Variants in AXDND1 observed in about 807,000 individuals in gnomAD.
AXDND1 encodes the protein axonemal dynein light chain domain-containing protein 1.
AXDND1 carries 110 observed loss-of-function variants against 137.5 expected under a neutral mutation model. That is an observed-to-expected ratio of 0.80 (90% confidence interval 0.69 to 0.94). AXDND1 has a LOEUF of 0.94. Ranked by LOEUF, AXDND1 falls within the 40% of genes least tolerant of loss-of-function variation. The pLI is 0.00. For synonymous variants in AXDND1, 414 were observed against 399.7 expected, an observed-to-expected ratio of 1.04 and a Z score of -0.43; for missense variants, 1,191 against 1,169.8, an observed-to-expected ratio of 1.02 and a Z score of -0.26.
At chr1:179,491,137 A>G (rs1314257060) in intron 18 of AXDND1, among the ~76,000 whole-genome samples, 1 of 152,192 alleles carries the variant, frequency 6.6e-6, no homozygotes, top group Non-Finnish European at 1.5e-5. Flanking sequence ...CGGCCTGGGC[A>G]ACATGGTGAA....
At chr1:179,475,246 T>C (rs1301293076) in intron 17 of AXDND1, among the ~76,000 whole-genome samples, 1 of 152,234 alleles carries the variant, frequency 6.6e-6, no homozygotes, top group African/African-American at 2.4e-5. Flanking sequence ...CACTGCCTAG[T>C]GGAGCTGTGA....
intron 16 of AXDND1, among the ~76,000 whole-genome samples, chr1:179,461,392 C>A (rs531231866): frequency 1.3e-5 from 2 of 151,904 alleles, no homozygotes; most frequent in East Asian, 3.9e-4. Context: ...AGGGCTCTGT[C>A]CTGTTCCATT....
rs569825439 is a variant in AXDND1, at chr1:179,411,171, T to C, written c.1135T>C (p.Tyr379His). The C allele has an allele frequency of 2.8e-5, 45 of 1,606,594 alleles. No homozygotes were observed. In the South Asian group the frequency reaches 3.6e-4, roughly 13 times the overall value. Residue 379 changes from tyrosine to histidine, a missense_variant, in exon 12 of 26, where the codon TAT becomes CAT. Transcript: ENST00000367618. The part of the protein sequence containing the change: ...AKIVEEYHDL[Y>H]TLQRERMEND... ...AATAGTAGAAGAATATCATGACTTA[T>C]ATACATTACAAAGAGAAAGGATGGA... is the stretch of plus-strand genomic sequence containing the variant.
At chr1:179,457,990 CT>C (rs34295838) in intron 16 of AXDND1, among the ~76,000 whole-genome samples, 10,081 of 145,536 alleles carry the variant, frequency 0.069, 402 homozygotes, top group African/African-American at 0.09. Flanking sequence ...CTTTCCTTCT[CT>C]TTTTTTTTTT....
rs184297799 is a variant in AXDND1, at chr1:179,469,522, T to C, written c.1997+881T>C. Among the ~76,000 whole-genome samples, 189 of 152,290 alleles carry C rather than the reference T, an allele frequency of 1.2e-3. 1 individual carries two copies. The highest frequency in any genetic ancestry group is 4.2e-3 in the African/African-American group (174 of 41,544). Reference sequence around the variant, plus strand: ...ACATTTGTTTTCATTTCTCTTTGGGTATATATCACCTAAGGAGTGGAATTG... The same window carrying C: ...ACATTTGTTTTCATTTCTCTTTGGGCATATATCACCTAAGGAGTGGAATTG... On this transcript the variant is annotated intron_variant, in intron 17 of 25. Coordinates refer to ENST00000367618, the MANE Select transcript of AXDND1 (RefSeq NM_144696.6).
In AXDND1 at chr1:179,385,225, T is replaced by G. The variant is rs1649010791; in HGVS notation, c.742-13T>G. On this transcript the variant is annotated splice_polypyrimidine_tract_variant and intron_variant, in intron 8 of 25. Coordinates refer to ENST00000367618, the MANE Select transcript of AXDND1 (RefSeq NM_144696.6). ...TGTAATAAGTACTGATTATGTTACTTACCTTCTGACAGATGCACAAACTAC... is the reference window on the plus strand; with the variant it reads ...TGTAATAAGTACTGATTATGTTACTGACCTTCTGACAGATGCACAAACTAC... 1 of 1,604,042 alleles carries G rather than the reference T, an allele frequency of 6.2e-7. No individual in the cohort carries two copies. Among genetic ancestry groups the G allele is most frequent in the African/African-American group, 1.3e-5 (1 of 74,774 alleles).
intron 21 of AXDND1, among the ~76,000 whole-genome samples, chr1:179,511,910 G>C (rs2125647211): frequency 6.6e-6 from 1 of 152,006 alleles, no homozygotes; most frequent in African/African-American, 2.4e-5. Flanking sequence ...TGATGTGATT[G>C]TTTGTTTCAT....
chr1:179,371,934 A>T (rs1668078382), intron 4 of AXDND1, among the ~76,000 whole-genome samples: 1 of 152,254 alleles, frequency 6.6e-6, no homozygotes, highest in Admixed American at 6.5e-5. Flanking sequence ...AAATGAGCAT[A>T]GAATTGGATC....
rs374984676 is a variant in AXDND1 at position 179,366,392 on chromosome 1, C to T, written c.-106-12C>T. The T allele has an allele frequency of 1.8e-4, 108 of 611,058 alleles. No homozygotes were observed. Among genetic ancestry groups the T allele is most frequent in the East Asian group, 1.1e-3 (37 of 32,944 alleles). The allele number at this position is 611,058 out of a possible 1,614,324, so 37.9% of individuals were successfully genotyped here. A position where few individuals can be genotyped will look rare whatever the true frequency, so the allele number is the denominator to read the frequency against. ...TTTTTTTTTTTTTAAATCTTTTTTC[C>T]TCTGCCTGCAGGACTATGTGGCAGC... On this transcript the variant is annotated splice_polypyrimidine_tract_variant and intron_variant, in intron 1 of 25. Coordinates refer to ENST00000367618, the MANE Select transcript of AXDND1 (RefSeq NM_144696.6).
intron 20 of AXDND1, among the ~76,000 whole-genome samples, chr1:179,497,712 G>T (rs2125599854): frequency 6.6e-6 from 1 of 152,148 alleles, no homozygotes; most frequent in African/African-American, 2.4e-5. Flanking sequence ...AAAAGAAGAA[G>T]TCAAGCTATC....
chr1:179,370,895 A>G (rs544193892), intron 4 of AXDND1, among the ~76,000 whole-genome samples: 1 of 152,340 alleles, frequency 6.6e-6, no homozygotes, highest in Admixed American at 6.5e-5. Flanking sequence ...ATGCAAGAGC[A>G]CTTGTAAAAC....
In AXDND1 at chr1:179,395,157, A is replaced by G. The variant is rs2125142741; in HGVS notation, c.1064A>G (p.His355Arg). 2 of 1,613,674 alleles carry G rather than the reference A, an allele frequency of 1.2e-6. No individual in the cohort carries two copies. Among genetic ancestry groups the G allele is most frequent in the East Asian group, 4.5e-5 (2 of 44,842 alleles). ...VKLTKETEKA[H>R]KDLAQALLNA... Reference sequence around the variant, plus strand: ...TTAACAAAGGAAACAGAAAAAGCCCACAAGGATTTGGCACAAGCTCTTTTA... The same window carrying G: ...TTAACAAAGGAAACAGAAAAAGCCCGCAAGGATTTGGCACAAGCTCTTTTA... Residue 355 changes from histidine to arginine, a missense_variant, in exon 11 of 26, where the codon CAC (histidine) becomes CGC (arginine). His to Arg is a conservative substitution (Grantham distance 29). Transcript: ENST00000367618.
chr1:179,417,993 ATTTATTTATTTT>A (rs1158276791), intron 12 of AXDND1, among the ~76,000 whole-genome samples: 1 of 147,658 alleles, frequency 6.8e-6, no homozygotes, highest in African/African-American at 2.5e-5. Context: ...TATTTTATTT[ATTTATTTATTTT>A]TTTATTGATC....
chr1:179,369,797 C>T (rs1667851161), intron 3 of AXDND1, among the ~76,000 whole-genome samples, 178 bp from the exon 4 acceptor site: 1 of 152,190 alleles, frequency 6.6e-6, no homozygotes, highest in African/African-American at 2.4e-5. Context: ...TTTTCACTCA[C>T]TATAGAATTA....
intron 16 of AXDND1, among the ~76,000 whole-genome samples, chr1:179,467,235 C>A (rs1177752790): frequency 1.3e-5 from 2 of 152,082 alleles, no homozygotes; most frequent in African/African-American, 4.8e-5. Flanking sequence ...TTGACTGGCA[C>A]AATTGTTCAA....
intron 4 of AXDND1, among the ~76,000 whole-genome samples, chr1:179,373,445 C>T (rs893307324): frequency 2.6e-5 from 4 of 152,152 alleles, no homozygotes; most frequent in South Asian, 2.1e-4. Flanking sequence ...CAAGTTGCCA[C>T]TCACTTTCTT....
In AXDND1 at chr1:179,488,697, TTCCTCTC is replaced by T. The variant is rs1666471012; in HGVS notation, c.2092-2838_2092-2832del. ...TTTCTTTCTTTCTTTCTTTCTTTCTTTCCTCTCTCTGTCTCTCTCTCTCTTTCTTTCT... is the reference window on the plus strand; with the variant it reads ...TTTCTTTCTTTCTTTCTTTCTTTCTTTCTGTCTCTCTCTCTCTTTCTTTCT... On this transcript the variant is annotated intron_variant, in intron 18 of 25. Transcript: ENST00000367618. 1.5e-5 allele frequency among the ~76,000 whole-genome samples: 2 copies of T among 136,174 alleles called. 1 individual carries two copies. The highest frequency in any genetic ancestry group is 3.1e-5 in the Non-Finnish European group (2 of 63,646). 89.3% of individuals were successfully genotyped at this position (136,174 alleles called of 152,430 possible).
intron 9 of AXDND1, among the ~76,000 whole-genome samples, chr1:179,389,702 T>C (rs1393487697): frequency 2.6e-5 from 4 of 152,244 alleles, no homozygotes; most frequent in Admixed American, 6.5e-5. Context: ...TAGAGTCTTC[T>C]GTTTCTTCCT....
chr1:179,518,433 T>C (rs1466344341), intron 21 of AXDND1, among the ~76,000 whole-genome samples: 2 of 151,914 alleles, frequency 1.3e-5, no homozygotes, highest in Non-Finnish European at 2.9e-5. Context: ...TGCAGGTTTG[T>C]CACAAAGGTA....
Sources: gnomAD v4.1 joint callset for allele counts (sites outside exome capture counted in the v4.1 genomes callset) on GRCh38, gnomAD v4.1.1 for gene constraint, MANE v1.5 for transcripts, NCBI Gene and HGNC (gene_info 2026-07-23, HGNC 2026-07-21) for gene names.